The following SPON1 variants were observed in gnomAD, a reference collection of about 807,000 sequenced individuals.
SPON1 encodes the protein spondin-1.
A neutral mutation model predicts 111.7 loss-of-function variants in SPON1; 52 were observed. That is an observed-to-expected ratio of 0.47 (90% confidence interval 0.37 to 0.59). The LOEUF is 0.59. SPON1 is among the 20% of genes least tolerant of loss of function. The pLI, the probability that SPON1 is intolerant of heterozygous loss-of-function variation, is 0.00. For synonymous variants in SPON1, 410 were observed against 395.8 expected, an observed-to-expected ratio of 1.04 and a Z score of -0.43; for missense variants, 957 against 1,068.5, an observed-to-expected ratio of 0.90 and a Z score of 1.46.
chr11:14,047,055 C>T (rs1035332420), intron 3 of SPON1, among the ~76,000 whole-genome samples: 1 of 152,110 alleles, frequency 6.6e-6, no homozygotes, highest in Non-Finnish European at 1.5e-5. Context: ...TGAATTTGGG[C>T]ACTGCTGAAC....
intron 3 of SPON1, among the ~76,000 whole-genome samples, chr11:14,057,306 A>G (rs1338938188): frequency 1.3e-5 from 2 of 152,228 alleles, no homozygotes; most frequent in Non-Finnish European, 2.9e-5. Flanking sequence ...GAATCTAATT[A>G]TGAGGAAACA....
chr11:14,055,967 C>A (rs1481523875), intron 3 of SPON1, among the ~76,000 whole-genome samples: 2 of 152,184 alleles, frequency 1.3e-5, no homozygotes, highest in Non-Finnish European at 2.9e-5. Context: ...TCAAAGATTA[C>A]CCCTGTACAA....
chr11:14,105,086 G>A (rs1344192499), intron 5 of SPON1, among the ~76,000 whole-genome samples: 1 of 151,960 alleles, frequency 6.6e-6, no homozygotes, highest in Non-Finnish European at 1.5e-5. Context: ...ATCTTAAATA[G>A]GGCTCTGTTT....
At chr11:14,002,601 C>A (rs1431538226) in intron 2 of SPON1, among the ~76,000 whole-genome samples, 3 of 152,052 alleles carry the variant, frequency 2.0e-5, no homozygotes, top group African/African-American at 7.2e-5. Context: ...GCAGCAGAGA[C>A]CCAGTTTAGA....
intron 5 of SPON1, among the ~76,000 whole-genome samples, chr11:14,097,160 T>C (rs1554923948): frequency 6.6e-6 from 1 of 152,138 alleles, no homozygotes; most frequent in Non-Finnish European, 1.5e-5. Context: ...CTTCTCTCTT[T>C]GCCAACACTA....
At chr11:14,045,065 A>T (rs1007518982) in intron 3 of SPON1, among the ~76,000 whole-genome samples, 12 of 152,318 alleles carry the variant, frequency 7.9e-5, no homozygotes, top group South Asian at 4.1e-4. Flanking sequence ...ATGGGATCAT[A>T]AGGGATGCAC....
chr11:14,090,951 CAG>C (rs1411289036), intron 5 of SPON1, among the ~76,000 whole-genome samples: 1 of 151,152 alleles, frequency 6.6e-6, no homozygotes, highest in Non-Finnish European at 1.5e-5. Flanking sequence ...ACGTCCCCAT[CAG>C]ATTAGTTAGA....
rs183176906 is a variant in SPON1, at chr11:14,058,047, G to T, written c.479+16393G>T. Among the ~76,000 whole-genome samples the T allele has an allele frequency of 3.7e-3, 560 of 151,982 alleles. 3 individuals are homozygous for T. Among genetic ancestry groups the T allele is most frequent in the Admixed American group, 2.9e-3 (44 of 15,236 alleles). ...CAAAAAAAGGACTCGGCAAAATCAG[G>T]GGGTGTTGGGGTGGAGAGGAAAAAA... is the stretch of plus-strand genomic sequence containing the variant. On this transcript the variant is annotated intron_variant, in intron 3 of 15. Coordinates refer to ENST00000576479, the MANE Select transcript of SPON1 (RefSeq NM_006108.4).
At chr11:14,017,037 T>C (rs1461233186) in intron 2 of SPON1, among the ~76,000 whole-genome samples, 1 of 152,220 alleles carries the variant, frequency 6.6e-6, no homozygotes, top group African/African-American at 2.4e-5. Flanking sequence ...AACTTTTGTA[T>C]GTTCCAGGGC....
Position 14,228,233 on chromosome 11 carries a change from A to C in SPON1, c.826-15099A>C, listed in dbSNP as rs1848761435. ...AACTCAGTTCTCCCACTGTTCTTCCAACCACTGACAACACATTGTTCAGGC... is the reference window on the plus strand; with the variant it reads ...AACTCAGTTCTCCCACTGTTCTTCCCACCACTGACAACACATTGTTCAGGC... On this transcript the variant is annotated intron_variant, in intron 6 of 15. Coordinates refer to ENST00000576479, the MANE Select transcript of SPON1 (RefSeq NM_006108.4). This position sits in a 1 kb window ranked among gnomAD's most constrained non-coding sequence, Gnocchi z 4.2. 6.6e-6 allele frequency among the ~76,000 whole-genome samples: 1 copy of C among 152,222 alleles called. No individual in the cohort carries two copies. Among genetic ancestry groups the C allele is most frequent in the Non-Finnish European group, 1.5e-5 (1 of 68,044 alleles).
chr11:14,224,168 G>A (rs1215281524), intron 6 of SPON1, among the ~76,000 whole-genome samples: 9 of 152,306 alleles, frequency 5.9e-5, no homozygotes, highest in African/African-American at 1.7e-4. Context: ...GATAGAGAGA[G>A]GAGATGAAGA....
chr11:14,172,680 C>T (rs1848120719), intron 6 of SPON1, among the ~76,000 whole-genome samples: 1 of 151,700 alleles, frequency 6.6e-6, no homozygotes, highest in Non-Finnish European at 1.5e-5. Context: ...TCTTTTAGGG[C>T]AGGCCTGGTG....
intron 5 of SPON1, among the ~76,000 whole-genome samples, chr11:14,099,081 C>A (rs1187710098): frequency 1.3e-5 from 2 of 152,188 alleles, no homozygotes; most frequent in Non-Finnish European, 2.9e-5. Context: ...CTTATCCTCA[C>A]CCCCAAGTTA....
intron 5 of SPON1, among the ~76,000 whole-genome samples, chr11:14,119,313 A>G (rs1849287645): frequency 6.6e-6 from 1 of 152,134 alleles, no homozygotes; most frequent in Non-Finnish European, 1.5e-5. Context: ...AGGAAGGGTC[A>G]AGGTAAGAGT....
At chr11:14,264,580 A>C (rs989123674) in intron 15 of SPON1, among the ~76,000 whole-genome samples, 1 of 152,218 alleles carries the variant, frequency 6.6e-6, no homozygotes, top group African/African-American at 2.4e-5. Flanking sequence ...AGCTGTTTGC[A>C]TATCAAAGTG....
chr11:14,224,664 T>C (rs1848717599), intron 6 of SPON1: 1 of 418,746 alleles, frequency 2.4e-6, no homozygotes, highest in Middle Eastern at 3.6e-4. Context: ...ATAGAGGCCA[T>C]ACCCAGTACT....
intron 6 of SPON1, among the ~76,000 whole-genome samples, chr11:14,227,503 A>T (rs1187072535): frequency 6.6e-6 from 1 of 151,496 alleles, no homozygotes; most frequent in African/African-American, 2.4e-5. Flanking sequence ...CTCACCCAAA[A>T]CCCCTCCTCC....
At chr11:14,131,056 A>G (rs901716662) in intron 5 of SPON1, among the ~76,000 whole-genome samples, 2 of 152,104 alleles carry the variant, frequency 1.3e-5, no homozygotes, top group African/African-American at 2.4e-5. Context: ...GGAACTTTTG[A>G]TCATGTTTCC....
intron 2 of SPON1, among the ~76,000 whole-genome samples, chr11:13,984,707 C>G (rs1489724599): frequency 6.6e-6 from 1 of 152,218 alleles, no homozygotes; most frequent in Non-Finnish European, 1.5e-5. Context: ...CAGCACTGTT[C>G]TGGCTAAATT....
Sources: gnomAD v4.1 joint callset for allele counts (sites outside exome capture counted in the v4.1 genomes callset) on GRCh38, gnomAD v4.1.1 for gene constraint, Gnocchi (gnomAD v3.1) non-coding constraint, MANE v1.5 for transcripts, NCBI Gene and HGNC (gene_info 2026-07-23, HGNC 2026-07-21) for gene names.